The following ACSL6 variants were observed in gnomAD, a reference collection of about 807,000 sequenced individuals.
ACSL6 encodes the protein acyl-CoA synthetase long chain family member 6, also known as long-chain-fatty-acid--CoA ligase 6.
Under a neutral mutation model 98.2 loss-of-function variants are expected in ACSL6, and 47 were observed. The ratio of observed to expected loss-of-function variants is 0.48; its 90% CI spans 0.38 to 0.61. The LOEUF (loss-of-function observed/expected upper bound fraction) is 0.61. Among genes scored for constraint, ACSL6 ranks in the 20% least tolerant of loss-of-function variants. The pLI is 0.00. For synonymous variants in ACSL6, 362 were observed against 336.9 expected, an observed-to-expected ratio of 1.07 and a Z score of -0.82; for missense variants, 761 against 913.4, an observed-to-expected ratio of 0.83 and a Z score of 2.15.
chr5:131,980,382 T>A (rs1753828170), intron 9 of ACSL6, among the ~76,000 whole-genome samples: 1 of 152,206 alleles, frequency 6.6e-6, no homozygotes, highest in Non-Finnish European at 1.5e-5. Context: ...CAACACCCAC[T>A]AATGTTGGCA....
intron 9 of ACSL6, chr5:131,983,487 T>C (rs1323452434): frequency 6.6e-6 from 1 of 152,228 alleles, no homozygotes; most frequent in African/African-American, 2.4e-5. Context: ...AAAAGAACAA[T>C]GTGGCCCTTG....
At chr5:131,958,892 T>A (rs1250104138) in intron 20 of ACSL6, among the ~76,000 whole-genome samples, 1 of 152,148 alleles carries the variant, frequency 6.6e-6, no homozygotes, top group Non-Finnish European at 1.5e-5. Context: ...AAGGAAATTT[T>A]AAAAATCAGT....
Position 131,976,705 on chromosome 5 carries a change from C to T in ACSL6, c.933G>A (p.Ala311=), listed in dbSNP as rs778072795. 52 of 1,614,050 alleles carry T rather than the reference C, an allele frequency of 3.2e-5. No homozygotes were observed. The highest frequency in any genetic ancestry group is 2.5e-4 in the Admixed American group (15 of 60,004). ...TSGTTGNPKG[A]MLTHGNVVAD... Reference sequence around the variant, plus strand: ...CCACCACGTTCCCATGGGTGAGCATCGCACCTTTTGGGTTCCCTATAAAAA... The same window carrying T: ...CCACCACGTTCCCATGGGTGAGCATTGCACCTTTTGGGTTCCCTATAAAAA... The change falls in exon 10 of 21, where the codon GCG becomes GCA. Residue 311 remains alanine, a synonymous_variant. Transcript: ENST00000651883.
intron 17 of ACSL6, among the ~76,000 whole-genome samples, chr5:131,964,613 T>C (rs978450177): frequency 2.6e-5 from 4 of 152,156 alleles, no homozygotes; most frequent in African/African-American, 2.4e-5. Flanking sequence ...TTTTACAATA[T>C]TGAGGGCCCT....
At chr5:131,986,351 C>T (rs976012268) in intron 8 of ACSL6, among the ~76,000 whole-genome samples, 18 of 152,096 alleles carry the variant, frequency 1.2e-4, no homozygotes, top group Non-Finnish European at 1.9e-4. Context: ...TGGCCCATCC[C>T]GGGGGCAGCT....
At chr5:131,992,080 G>T (rs912842508) in intron 2 of ACSL6, among the ~76,000 whole-genome samples, 4 of 152,200 alleles carry the variant, frequency 2.6e-5, no homozygotes, top group Admixed American at 6.5e-5. Context: ...CTGCCAAGCT[G>T]GGCTTCGAAG....
chr5:131,971,772 A>C (rs1398221557), intron 13 of ACSL6, 127 bp from the exon 14 acceptor site: 1 of 683,682 alleles, frequency 1.5e-6, no homozygotes, highest in African/African-American at 1.8e-5. Context: ...GGGATCAGAA[A>C]GAAGGCCTGA....
At position 131,952,057 on chromosome 5, in the gene ACSL6, T is replaced by C. The variant is rs1752190140; in HGVS notation, c.*2177A>G. The C allele has an allele frequency of 2.2e-5, 4 of 179,676 alleles. No individual in the cohort carries two copies. The highest frequency in any genetic ancestry group is 7.1e-5 in the African/African-American group (3 of 42,494). The allele number at this position is 179,676 out of a possible 1,614,324, so 11.1% of individuals were successfully genotyped here. Reference sequence around the variant, plus strand: ...GAGTAGGAGGACAATGGGAAACAGATTCTTTTTTTGTTGTTATTGAAATGT... The same window carrying C: ...GAGTAGGAGGACAATGGGAAACAGACTCTTTTTTTGTTGTTATTGAAATGT... On this transcript the variant is annotated 3_prime_UTR_variant, in exon 21 of 21. Transcript: ENST00000651883.
intron 2 of ACSL6, among the ~76,000 whole-genome samples, chr5:131,991,329 G>A (rs1754501380): frequency 6.6e-6 from 1 of 152,264 alleles, no homozygotes; most frequent in African/African-American, 2.4e-5. Context: ...CAACACAGTG[G>A]GGAGTATTGG....
chr5:132,012,198 AG>A (rs1350887726), upstream of ACSL6: 3 of 429,668 alleles, frequency 7.0e-6, no homozygotes, highest in African/African-American at 6.2e-5. Context: ...TCTGCAAACC[AG>A]TGAGGGGAGG....
intron 1 of ACSL6, among the ~76,000 whole-genome samples, chr5:132,004,958 T>G (rs929719534): frequency 2.0e-5 from 3 of 152,084 alleles, no homozygotes; most frequent in African/African-American, 7.2e-5. Flanking sequence ...GAGAACAGCC[T>G]GGCCAATGTG....
chr5:131,951,648 G>T lies in ACSL6; in HGVS notation c.*2586C>A, dbSNP rs1192427988. On this transcript the variant is annotated 3_prime_UTR_variant, in exon 21 of 21. Transcript: ENST00000651883. ...TTGCCCAGGCTGGAGTACAGTGGCG[G>T]GATCTCGGCTCACTGCAAGCTCCGC... is the stretch of plus-strand genomic sequence containing the variant. The T allele has an allele frequency of 5.7e-6, 1 of 174,694 alleles. No individual in the cohort carries two copies. The highest frequency in any genetic ancestry group is 9.9e-5 in the East Asian group (1 of 10,134). The allele number at this position is 174,694 out of a possible 1,614,324, so 10.8% of individuals were successfully genotyped here.
intron 14 of ACSL6, 31 bp downstream of exon 14, chr5:131,971,519 G>C (rs531519113): frequency 1.3e-5 from 21 of 1,556,424 alleles, no homozygotes; most frequent in Non-Finnish European, 1.8e-5. Context: ...ACTTCCTGCT[G>C]TTTCCAAGGG....
chr5:132,004,810 C>T (rs955569378), intron 1 of ACSL6, among the ~76,000 whole-genome samples: 4 of 152,204 alleles, frequency 2.6e-5, no homozygotes, highest in African/African-American at 9.6e-5. Flanking sequence ...CCTGCCACCA[C>T]AGACAGACCT....
intron 7 of ACSL6, among the ~76,000 whole-genome samples, chr5:131,987,374 C>A (rs1754253113): frequency 6.6e-6 from 1 of 152,144 alleles, no homozygotes; most frequent in Admixed American, 6.5e-5. Context: ...GCTAGTGGGG[C>A]AGGTGGGGGC....
Position 131,990,103 on chromosome 5 carries a change from C to T in ACSL6, c.447G>A (p.Gln149=). The T allele has an allele frequency of 6.2e-7, 1 of 1,613,746 alleles. No individual in the cohort carries two copies. ...PKQPYQWLSY[Q]EVADRAEFLG... is the part of the protein sequence containing the mutation. ...GGGCCTGTCCTGTATCACTCACCTC[C>T]TGGTAGGACAGCCACTGGTAAGGCT... Residue 149 remains glutamine, a synonymous_variant, in exon 4 of 21, where the codon CAG becomes CAA. Coordinates refer to ENST00000651883, the MANE Select transcript of ACSL6 (RefSeq NM_001009185.3).
Position 131,988,030 on chromosome 5 carries a change from C to A in ACSL6, c.831+18G>T, listed in dbSNP as rs1754290050. The A allele has an allele frequency of 6.2e-7, 1 of 1,611,032 alleles. No individual in the cohort carries two copies. The highest frequency in any genetic ancestry group is 1.3e-5 in the African/African-American group (1 of 74,882). ...AGCCAGCAGTAGCCCAGCAAACCGC[C>A]CAGAAGCAGACCCTCACCTCCACGG... On this transcript the variant is annotated intron_variant, in intron 7 of 20. Transcript: ENST00000651883.
At chr5:131,979,171 C>G (rs1753773829) in intron 9 of ACSL6, among the ~76,000 whole-genome samples, 1 of 152,054 alleles carries the variant, frequency 6.6e-6, no homozygotes, top group South Asian at 2.1e-4. Context: ...ATACAAATCC[C>G]ACAGAGTACC....
chr5:131,999,185 C>G (rs959225769), intron 1 of ACSL6, among the ~76,000 whole-genome samples: 1 of 152,082 alleles, frequency 6.6e-6, no homozygotes. Context: ...CTGAACTGAC[C>G]TGGGTCCAAA....
Sources: allele counts gnomAD v4.1 joint callset (sites outside exome capture counted in the v4.1 genomes callset), GRCh38; gene constraint gnomAD v4.1.1; transcripts MANE v1.5; gene names NCBI Gene and HGNC (gene_info 2026-07-23, HGNC 2026-07-21).